The following PCDHA4 variants were observed in gnomAD, a reference collection of about 807,000 sequenced individuals.
The protein encoded by PCDHA4 is protocadherin alpha 4.
A neutral mutation model predicts 61.4 loss-of-function variants in PCDHA4; 49 were observed. The observed-to-expected ratio is 0.80, with a 90% confidence interval of 0.63 to 1.01. PCDHA4 has a LOEUF of 1.01. PCDHA4 is among the 50% of genes least tolerant of loss of function. The probability of loss-of-function intolerance (pLI) is 0.00; values close to 1 mark genes in which losing one functional copy is unlikely to be tolerated. For synonymous variants in PCDHA4, 590 were observed against 550.3 expected (o/e 1.07, Z -1.01); for missense variants, 1,254 against 1,235.8 (o/e 1.01, Z -0.22).
chr5:140,849,846 A>T, intron 1 of PCDHA4: 5 of 1,598,504 alleles, frequency 3.1e-6, no homozygotes, highest in Non-Finnish European at 4.3e-6. Flanking sequence ...CGTGAACGAC[A>T]ACGCACCAGC....
At chr5:140,888,967 G>T (rs1434157317) in intron 1 of PCDHA4, among the ~76,000 whole-genome samples, 1 of 152,000 alleles carries the variant, frequency 6.6e-6, no homozygotes, top group African/African-American at 2.4e-5. Flanking sequence ...CAATGTTAAT[G>T]TGTTGAATTT....
At chr5:140,921,367 T>C (rs1165325497) in intron 1 of PCDHA4, among the ~76,000 whole-genome samples, 1 of 152,182 alleles carries the variant, frequency 6.6e-6, no homozygotes, top group African/African-American at 2.4e-5. Context: ...TCAAGTTTCA[T>C]ATTTCTACAT....
intron 1 of PCDHA4, chr5:140,876,094 C>A (rs782479233): frequency 3.1e-6 from 5 of 1,613,926 alleles, no homozygotes; most frequent in Non-Finnish European, 4.2e-6. Flanking sequence ...AACGCCAAAA[C>A]TCAATTTATT....
intron 1 of PCDHA4, among the ~76,000 whole-genome samples, chr5:140,937,638 C>A (rs1563161991): frequency 6.7e-6 from 1 of 150,048 alleles, no homozygotes; most frequent in East Asian, 2.1e-4. Flanking sequence ...AAAGGCAGGG[C>A]ATGGTGGCTC....
At chr5:140,900,439 G>A (rs1348507716) in intron 1 of PCDHA4, among the ~76,000 whole-genome samples, 1 of 152,242 alleles carries the variant, frequency 6.6e-6, no homozygotes, top group East Asian at 1.9e-4. Context: ...CACCACGGCC[G>A]GCTAATTTTT....
rs1044322759 is a variant in PCDHA4 at position 140,877,540 on chromosome 5, G to C, written c.2385+67968G>C. 35 of 1,613,652 alleles carry C rather than the reference G, an allele frequency of 2.2e-5. No individual in the cohort carries two copies. Among genetic ancestry groups the C allele is most frequent in the Non-Finnish European group, 2.7e-5 (32 of 1,179,908 alleles). On this transcript the variant is annotated intron_variant, in intron 1 of 3. Coordinates refer to ENST00000530339, the MANE Select transcript of PCDHA4 (RefSeq NM_018907.4). ...GGCCTCAGTGGGCGCTGTGGATCCCGAAGCGGCTCTGGTGGATATTAACGT... is the reference window on the plus strand; with the variant it reads ...GGCCTCAGTGGGCGCTGTGGATCCCCAAGCGGCTCTGGTGGATATTAACGT...
chr5:140,932,500 T>C (rs2088368568), intron 1 of PCDHA4, among the ~76,000 whole-genome samples: 3 of 151,914 alleles, frequency 2.0e-5, no homozygotes, highest in Non-Finnish European at 4.4e-5. Context: ...ATGTCATTTG[T>C]TAACAGTAGT....
intron 1 of PCDHA4, among the ~76,000 whole-genome samples, chr5:140,944,072 A>C (rs868935645): frequency 6.6e-6 from 1 of 152,218 alleles, no homozygotes; most frequent in Non-Finnish European, 1.5e-5. Context: ...CTTGTTAAAG[A>C]TAAAGGAGGC....
chr5:140,967,898 G>A (rs751530394), intron 1 of PCDHA4: 9 of 1,614,046 alleles, frequency 5.6e-6, no homozygotes, highest in Non-Finnish European at 7.6e-6. Context: ...GCCTGAGAAT[G>A]CTACACCCAA....
intron 3 of PCDHA4, among the ~76,000 whole-genome samples, chr5:141,008,228 T>C (rs2098365726): frequency 1.3e-5 from 2 of 152,210 alleles, no homozygotes; most frequent in African/African-American, 4.8e-5. Context: ...GTTAGAAAAT[T>C]ACTGCTCAGG....
rs1554213778 is a variant in PCDHA4, at chr5:140,941,190, T to TC, written c.2386-37759_2386-37758insC. ...CCATCTTGAACATCCTGCTTCTTTT[T>TC]TTTTCTTTCTTCCTTTCTTTCTTCC... On this transcript the variant is annotated intron_variant, in intron 1 of 3. Coordinates refer to ENST00000530339, the MANE Select transcript of PCDHA4 (RefSeq NM_018907.4). Among the ~76,000 whole-genome samples, 446 of 129,506 alleles carry TC rather than the reference T, an allele frequency of 3.4e-3. 3 individuals are homozygous for TC. Among genetic ancestry groups the TC allele is most frequent in the South Asian group, 0.026 (101 of 3,954 alleles). The allele number at this position is 129,506 out of a possible 152,430, so 85.0% of individuals were successfully genotyped here.
Position 140,956,280 on chromosome 5 carries a change from G to A in PCDHA4, c.2386-22669G>A, listed in dbSNP as rs554735108. On this transcript the variant is annotated intron_variant, in intron 1 of 3. Coordinates refer to ENST00000530339, the MANE Select transcript of PCDHA4 (RefSeq NM_018907.4). ...GCCCATTCAGTGTGGTATTGGCTGT[G>A]GGTTTATCATATATATGGCTCTTAT... Among the ~76,000 whole-genome samples, 16 of 152,206 alleles carry A rather than the reference G, an allele frequency of 1.1e-4. No individual in the cohort carries two copies. In the South Asian group the frequency reaches 3.3e-3, roughly 32 times the overall value.
intron 1 of PCDHA4, among the ~76,000 whole-genome samples, chr5:140,934,650 T>C (rs2089969846): frequency 6.6e-6 from 1 of 152,134 alleles, no homozygotes; most frequent in East Asian, 1.9e-4. Flanking sequence ...GATAAATGTT[T>C]GATTCTTCCC....
At chr5:140,815,933 T>C (rs1581740535) in intron 1 of PCDHA4, 1 of 152,220 alleles carries the variant, frequency 6.6e-6, no homozygotes, top group African/African-American at 2.4e-5. Context: ...AGGTTTCTAC[T>C]GAGAAATCTA....
In PCDHA4 at chr5:140,855,851, G is replaced by A. The variant is rs971470534; in HGVS notation, c.2385+46279G>A. On this transcript the variant is annotated intron_variant, in intron 1 of 3. Transcript: ENST00000530339. Reference sequence around the variant, plus strand: ...AATCGTACTTACACCTAAAGCCACCGGATGTCGCTGTCGTCCACAAAATAG... The same window carrying A: ...AATCGTACTTACACCTAAAGCCACCAGATGTCGCTGTCGTCCACAAAATAG... 16 of 668,440 alleles carry A rather than the reference G, an allele frequency of 2.4e-5. No homozygotes were observed. The East Asian group carries it at 3.9e-4, about 16-fold the overall frequency. The allele number at this position is 668,440 out of a possible 1,614,324, so 41.4% of individuals were successfully genotyped here.
chr5:140,901,213 G>A (rs2068513524), intron 1 of PCDHA4, among the ~76,000 whole-genome samples: 1 of 152,040 alleles, frequency 6.6e-6, no homozygotes, highest in Non-Finnish European at 1.5e-5. Flanking sequence ...TTTTTAAGTT[G>A]ATGTGATCCC....
intron 1 of PCDHA4, among the ~76,000 whole-genome samples, chr5:140,925,170 A>G (rs2153576816): frequency 6.6e-6 from 1 of 152,194 alleles, no homozygotes; most frequent in East Asian, 1.9e-4. Flanking sequence ...TGTGTAATTG[A>G]CCCCAATGTA....
In PCDHA4 at chr5:140,853,541, G is replaced by C. The variant is rs1554146703; in HGVS notation, c.2385+43969G>C. On this transcript the variant is annotated intron_variant, in intron 1 of 3. Coordinates refer to ENST00000530339, the MANE Select transcript of PCDHA4 (RefSeq NM_018907.4). Reference sequence around the variant, plus strand: ...CTCCTCCTATGTCTCTTTTCAAGTTGTAATTACTATATAGGAAAAACTAAG... The same window carrying C: ...CTCCTCCTATGTCTCTTTTCAAGTTCTAATTACTATATAGGAAAAACTAAG... 3 of 979,204 alleles carry C rather than the reference G, an allele frequency of 3.1e-6. 1 individual carries two copies. The highest frequency in any genetic ancestry group is 3.7e-6 in the Non-Finnish European group (3 of 812,050). 60.7% of individuals were successfully genotyped at this position (979,204 alleles called of 1,614,324 possible). A position where few individuals can be genotyped will look rare whatever the true frequency, so the allele number is the denominator to read the frequency against.
At position 141,011,610 on chromosome 5, in the gene PCDHA4, A is replaced by G. The variant is rs1259686391; in HGVS notation, c.*1673A>G. ...ACTGGTGATTCAAGGAATTTTATTT[A>G]TGGTCCAGCCAAGAGCCATCTCGTG... On this transcript the variant is annotated 3_prime_UTR_variant, in exon 4 of 4. Transcript: ENST00000530339. 6 of 153,722 alleles carry G rather than the reference A, an allele frequency of 3.9e-5. No individual in the cohort carries two copies. Among genetic ancestry groups the G allele is most frequent in the African/African-American group, 1.2e-4 (5 of 41,448 alleles). 9.5% of individuals were successfully genotyped at this position (153,722 alleles called of 1,614,324 possible). A position where few individuals can be genotyped will look rare whatever the true frequency, so the allele number is the denominator to read the frequency against.
Sources: allele counts gnomAD v4.1 joint callset (sites outside exome capture counted in the v4.1 genomes callset), GRCh38; gene constraint gnomAD v4.1.1; transcripts MANE v1.5; gene names NCBI Gene and HGNC (gene_info 2026-07-23, HGNC 2026-07-21).